CABLES1: variants seen among roughly 807,000 people sequenced by gnomAD.
CABLES1 encodes the protein CDK5 and ABL1 enzyme substrate 1.
A neutral mutation model predicts 57.8 loss-of-function variants in CABLES1; 36 were observed. That is an observed-to-expected ratio of 0.62 (90% confidence interval 0.48 to 0.82). The LOEUF (loss-of-function observed/expected upper bound fraction) is 0.82. Among genes scored for constraint, CABLES1 ranks in the 40% least tolerant of loss-of-function variants. The pLI is 0.00. For synonymous variants in CABLES1, 374 were observed against 363.0 expected, an observed-to-expected ratio of 1.03 and a Z score of -0.35; for missense variants, 767 against 836.6, an observed-to-expected ratio of 0.92 and a Z score of 1.03.
At chr18:23,142,535 G>C (rs1406720099) in intron 1 of CABLES1, among the ~76,000 whole-genome samples, 1 of 152,234 alleles carries the variant, frequency 6.6e-6, no homozygotes, top group Non-Finnish European at 1.5e-5. Flanking sequence ...AGGTCACAGA[G>C]TGACCAGGGG....
rs1490747802 is a variant in CABLES1 at position 23,171,640 on chromosome 18, A to C, written c.846-17198A>C. The stretch of plus-strand genomic sequence containing the variant: ...AGAGCAGGACCTCTTCTCTTCTTTC[A>C]TGTTGCTTTGACTGTTGTCTCTCTT... On this transcript the variant is annotated intron_variant, in intron 1 of 9. Transcript: ENST00000256925. 2.6e-5 allele frequency among the ~76,000 whole-genome samples: 4 copies of C among 151,684 alleles called. No individual in the cohort carries two copies. In the East Asian group the frequency reaches 7.7e-4, roughly 29 times the overall value.
chr18:23,228,746 T>TAAA (rs572362933), intron 4 of CABLES1, among the ~76,000 whole-genome samples: 7 of 125,718 alleles, frequency 5.6e-5, no homozygotes, highest in African/African-American at 1.5e-4. Context: ...AGCCTTTGTT[T>TAAA]AAAAAAAAAA....
chr18:23,252,800 C>T (rs949890728), intron 7 of CABLES1, among the ~76,000 whole-genome samples, 160 bp from the exon 8 acceptor site: 6 of 152,202 alleles, frequency 3.9e-5, no homozygotes, highest in African/African-American at 1.2e-4. Context: ...CCACAGTCCC[C>T]TTCAGGCTCC....
chr18:23,198,637 C>T (rs1372764755), intron 3 of CABLES1, among the ~76,000 whole-genome samples: 6 of 152,312 alleles, frequency 3.9e-5, no homozygotes, highest in South Asian at 2.1e-4. Context: ...GAGGCAGGAT[C>T]GTCAGTGTCA....
At chr18:23,230,810 G>C (rs2047562043) in intron 4 of CABLES1, among the ~76,000 whole-genome samples, 1 of 152,140 alleles carries the variant, frequency 6.6e-6, no homozygotes, top group Admixed American at 6.5e-5. Context: ...GGAACCTACT[G>C]TAATGCCTAG....
At chr18:23,174,889 C>T (rs911706743) in intron 1 of CABLES1, among the ~76,000 whole-genome samples, 33 of 138,584 alleles carry the variant, frequency 2.4e-4, no homozygotes, top group African/African-American at 8.1e-4. Context: ...AAAATAAACT[C>T]GATAGCTTTC....
chr18:23,162,222 T>TTC (rs1268060744), intron 1 of CABLES1, among the ~76,000 whole-genome samples: 1 of 152,196 alleles, frequency 6.6e-6, no homozygotes, highest in Non-Finnish European at 1.5e-5. Flanking sequence ...TTGTTTCTTT[T>TTC]TCACATAAGG....
intron 1 of CABLES1, among the ~76,000 whole-genome samples, chr18:23,171,217 T>C (rs1387837436): frequency 6.6e-6 from 1 of 152,252 alleles, no homozygotes; most frequent in Non-Finnish European, 1.5e-5. Flanking sequence ...TCCTCCATTC[T>C]TGTTCCCGTA....
intron 4 of CABLES1, among the ~76,000 whole-genome samples, chr18:23,227,543 C>T (rs1035394431): frequency 1.3e-5 from 2 of 152,180 alleles, no homozygotes; most frequent in African/African-American, 4.8e-5. Context: ...CTAAAAGCTG[C>T]TTTTGACTTC....
intron 1 of CABLES1, among the ~76,000 whole-genome samples, chr18:23,161,751 A>C (rs2047006042): frequency 7.3e-6 from 1 of 137,508 alleles, no homozygotes; most frequent in South Asian, 2.3e-4. Context: ...TCTACTAAAA[A>C]TCCAAAAAAA....
chr18:23,156,417 T>C (rs942401325), intron 1 of CABLES1, among the ~76,000 whole-genome samples: 1 of 152,240 alleles, frequency 6.6e-6, no homozygotes, highest in Non-Finnish European at 1.5e-5. Flanking sequence ...GTGTGTTTCC[T>C]GTTTCGCTTC....
chr18:23,223,529 G>A (rs574835955), intron 4 of CABLES1, among the ~76,000 whole-genome samples: 13 of 147,736 alleles, frequency 8.8e-5, no homozygotes, highest in African/African-American at 3.0e-4. Context: ...AGTGAGCCGA[G>A]ATCTCGCCAT....
intron 1 of CABLES1, among the ~76,000 whole-genome samples, chr18:23,174,821 C>CATATATATATATATATATATATATATAT (rs569579022): frequency 1.1e-5 from 1 of 94,564 alleles, no homozygotes. Flanking sequence ...CATGTTACAC[C>CATATATATATATATATATATATATATAT]ATATATATAT....
chr18:23,181,740 C>T (rs921417551), intron 1 of CABLES1, among the ~76,000 whole-genome samples: 3 of 152,122 alleles, frequency 2.0e-5, no homozygotes, highest in African/African-American at 7.2e-5. Flanking sequence ...CCAAGCAGCT[C>T]ACTTCTAGGG....
chr18:23,181,496 C>CAAA (rs59742943), intron 1 of CABLES1, among the ~76,000 whole-genome samples: 1,194 of 35,230 alleles, frequency 0.034, 269 homozygotes, highest in East Asian at 0.11. Context: ...AGCTTCGTCT[C>CAAA]AAAAAAAAAA....
At chr18:23,211,861 C>G (rs1394071853) in intron 3 of CABLES1, among the ~76,000 whole-genome samples, 1 of 152,258 alleles carries the variant, frequency 6.6e-6, no homozygotes, top group Non-Finnish European at 1.5e-5. Context: ...ATGAGAAGCT[C>G]TGTTGCTGGG....
At position 23,177,418 on chromosome 18, in the gene CABLES1, TACACACACACACACACACACACACAC is replaced by T. The variant is rs10692529; in HGVS notation, c.846-11409_846-11384del. On this transcript the variant is annotated intron_variant, in intron 1 of 9. Transcript: ENST00000256925. ...AAGGTGCTATGTGTGAGCACATGTG[TACACACACACACACACACACACACAC>T]ACACACACACGTTCATTGTGCTGTG... is the stretch of plus-strand genomic sequence containing the variant. Among the ~76,000 whole-genome samples the T allele has an allele frequency of 1.3e-3, 184 of 144,738 alleles. 1 individual carries two copies. The highest frequency in any genetic ancestry group is 4.5e-3 in the African/African-American group (178 of 39,186). 95.0% of individuals were successfully genotyped at this position (144,738 alleles called of 152,430 possible).
chr18:23,233,388 T>C (rs1279971113), intron 4 of CABLES1, among the ~76,000 whole-genome samples: 4 of 152,142 alleles, frequency 2.6e-5, no homozygotes, highest in Admixed American at 2.6e-4. Flanking sequence ...GAAATGACAT[T>C]GGATGAACTC....
intron 3 of CABLES1, among the ~76,000 whole-genome samples, chr18:23,200,049 C>G (rs1783454812): frequency 1.3e-5 from 2 of 152,252 alleles, no homozygotes; most frequent in South Asian, 4.1e-4. Context: ...AGCCACGTAC[C>G]AGGCACACAG....
Sources: gnomAD v4.1 joint callset for allele counts (sites outside exome capture counted in the v4.1 genomes callset) on GRCh38, gnomAD v4.1.1 for gene constraint, MANE v1.5 for transcripts, NCBI Gene and HGNC (gene_info 2026-07-23, HGNC 2026-07-21) for gene names.